Variants in INPP4B observed in about 807,000 individuals in gnomAD.
INPP4B encodes the protein inositol polyphosphate 4-phosphatase type II.
INPP4B carries 55 observed loss-of-function variants against 122.5 expected under a neutral mutation model. The observed-to-expected ratio is 0.45, with a 90% CI of 0.36 to 0.56. The LOEUF (loss-of-function observed/expected upper bound fraction) is 0.56, where lower values mean the gene tolerates loss of function less well. Among genes scored for constraint, INPP4B ranks in the 20% least tolerant of loss-of-function variants. The pLI is 0.00. For synonymous variants in INPP4B, 403 were observed against 388.7 expected (o/e 1.04, Z -0.43); for missense variants, 1,000 against 1,097.7 (o/e 0.91, Z 1.26).
intron 25 of INPP4B, among the ~76,000 whole-genome samples, chr4:142,044,601 C>CTGAT (rs1257905929): frequency 4.6e-5 from 7 of 151,612 alleles, no homozygotes; most frequent in Non-Finnish European, 1.0e-4. Context: ...GTTCAGAGCA[C>CTGAT]TGATAGTGAA....
At chr4:142,731,341 G>A (rs1766057712) in intron 1 of INPP4B, among the ~76,000 whole-genome samples, 1 of 152,118 alleles carries the variant, frequency 6.6e-6, no homozygotes, top group Non-Finnish European at 1.5e-5. Flanking sequence ...ATTTCTCTGT[G>A]TCTGACCTCA....
intron 1 of INPP4B, among the ~76,000 whole-genome samples, chr4:142,772,721 A>T (rs1341614231): frequency 6.6e-6 from 1 of 152,184 alleles, no homozygotes; most frequent in Non-Finnish European, 1.5e-5. Flanking sequence ...TGTATGAAGG[A>T]AAATTCACCC....
chr4:142,574,749 C>T (rs2150173422), intron 2 of INPP4B, among the ~76,000 whole-genome samples: 1 of 152,212 alleles, frequency 6.6e-6, no homozygotes, highest in African/African-American at 2.4e-5. Flanking sequence ...CTAGTGCATG[C>T]TTCTTATACA....
At chr4:142,769,349 C>T (rs544401346) in intron 1 of INPP4B, among the ~76,000 whole-genome samples, 93 of 152,248 alleles carry the variant, frequency 6.1e-4, no homozygotes, top group African/African-American at 2.1e-3. Context: ...CCCCACGATG[C>T]TCTGCAAGGC....
At chr4:142,769,455 A>AT (rs1466058378) in intron 1 of INPP4B, among the ~76,000 whole-genome samples, 2 of 152,140 alleles carry the variant, frequency 1.3e-5, no homozygotes, top group African/African-American at 4.8e-5. Flanking sequence ...ACATGCAACC[A>AT]TTTTTTAACT....
Position 142,042,465 on chromosome 4 carries a change from CTTGT to C in INPP4B, c.2643-13555_2643-13552del, listed in dbSNP as rs552182948. 2.2e-4 allele frequency among the ~76,000 whole-genome samples: 34 copies of C among 152,122 alleles called. 1 individual carries two copies. The South Asian group carries it at 4.2e-3, about 19-fold the overall frequency. On this transcript the variant is annotated intron_variant, in intron 25 of 25. Transcript: ENST00000262992. ...TTCTGTACAATCTCTTGTTTTTAAA[CTTGT>C]TTCTCAAGTTTTTCAACCCCCTTTT...
intron 25 of INPP4B, among the ~76,000 whole-genome samples, chr4:142,051,085 G>A (rs1754333133): frequency 6.6e-6 from 1 of 151,956 alleles, no homozygotes; most frequent in African/African-American, 2.4e-5. Context: ...GTTGAGATAT[G>A]TAAACTAGAG....
chr4:142,409,590 T>C (rs2149232055), intron 5 of INPP4B, among the ~76,000 whole-genome samples: 1 of 152,220 alleles, frequency 6.6e-6, no homozygotes, highest in African/African-American at 2.4e-5. Context: ...AAAGACTCAA[T>C]ATGTCCAGGG....
chr4:142,431,199 C>T lies in INPP4B; in HGVS notation c.61G>A (p.Ala21Thr), dbSNP rs150489920. The change falls in exon 4 of 26, where the codon GCC (alanine) becomes ACC (threonine). Residue 21 changes from alanine to threonine, a missense_variant. Physicochemically the swap from Ala to Thr is moderately conservative, Grantham distance 58. Transcript: ENST00000262992. ...AACTGACAGTCCCCGGGATCATTGG[C>T]CTGGGCTGTAGGAAGAAAGTGCTGC... ...EGQHFLPTAQ[A>T]NDPGDCQFTS... 17 of 1,613,240 alleles carry T rather than the reference C, an allele frequency of 1.1e-5. No homozygotes were observed. Among genetic ancestry groups the T allele is most frequent in the African/African-American group, 2.7e-5 (2 of 74,978 alleles).
At chr4:142,796,599 G>C (rs541259743) in intron 1 of INPP4B, among the ~76,000 whole-genome samples, 1 of 151,990 alleles carries the variant, frequency 6.6e-6, no homozygotes, top group East Asian at 1.9e-4. Flanking sequence ...AAAATATAAA[G>C]GCAGAGCCAC....
chr4:142,032,456 G>A (rs1290177982), intron 25 of INPP4B, among the ~76,000 whole-genome samples: 1 of 152,144 alleles, frequency 6.6e-6, no homozygotes, highest in Non-Finnish European at 1.5e-5. Context: ...AGATGATCTT[G>A]GAAGGAGGGC....
chr4:142,257,632 G>A lies in INPP4B; in HGVS notation c.688+2860C>T, dbSNP rs1579485002. Among the ~76,000 whole-genome samples the A allele has an allele frequency of 3.3e-5, 5 of 152,196 alleles. No homozygotes were observed. In the South Asian group the frequency reaches 1.0e-3, roughly 32 times the overall value. On this transcript the variant is annotated intron_variant, in intron 11 of 25. Transcript: ENST00000262992. ...TGCTTCAAAGAGAATCAAATACCTAGGAATCCAACTTACAAGGGATGTGAA... is the reference window on the plus strand; with the variant it reads ...TGCTTCAAAGAGAATCAAATACCTAAGAATCCAACTTACAAGGGATGTGAA...
intron 12 of INPP4B, among the ~76,000 whole-genome samples, chr4:142,226,155 C>T (rs1851469387): frequency 6.6e-6 from 1 of 152,112 alleles, no homozygotes; most frequent in African/African-American, 2.4e-5. Flanking sequence ...TTGGCAAGAC[C>T]TACATAACTT....
chr4:142,151,426 A>G (rs2152866238), intron 17 of INPP4B, among the ~76,000 whole-genome samples: 1 of 152,240 alleles, frequency 6.6e-6, no homozygotes, highest in Admixed American at 6.5e-5. Flanking sequence ...CTATTTCCTT[A>G]TGTAAAAATA....
chr4:142,158,891 T>C (rs1818608581), intron 17 of INPP4B, among the ~76,000 whole-genome samples: 1 of 151,876 alleles, frequency 6.6e-6, no homozygotes, highest in South Asian at 2.1e-4. Context: ...AAATGGTAAT[T>C]ATTTGTCAAA....
intron 25 of INPP4B, among the ~76,000 whole-genome samples, chr4:142,067,712 A>G (rs920950131): frequency 6.6e-6 from 1 of 152,208 alleles, no homozygotes; most frequent in African/African-American, 2.4e-5. Flanking sequence ...AATTTGATCA[A>G]GTGGAAGAAA....
chr4:142,103,566 A>T (rs1785508643), intron 23 of INPP4B, among the ~76,000 whole-genome samples: 1 of 152,132 alleles, frequency 6.6e-6, no homozygotes, highest in South Asian at 2.1e-4. Flanking sequence ...AAACTAAATT[A>T]TTCAGAAAAG....
intron 2 of INPP4B, among the ~76,000 whole-genome samples, chr4:142,723,729 A>G (rs1432571885): frequency 6.6e-6 from 1 of 152,152 alleles, no homozygotes; most frequent in African/African-American, 2.4e-5. Flanking sequence ...TTGTTTAAAA[A>G]TAACACCTTC....
chr4:142,223,080 G>A (rs772544188), intron 12 of INPP4B, among the ~76,000 whole-genome samples: 2 of 152,096 alleles, frequency 1.3e-5, no homozygotes, highest in African/African-American at 4.8e-5. Flanking sequence ...TTCTACAGCT[G>A]AGGAAACTGA....
Sources: allele counts gnomAD v4.1 joint callset (sites outside exome capture counted in the v4.1 genomes callset), GRCh38; gene constraint gnomAD v4.1.1; transcripts MANE v1.5; gene names NCBI Gene and HGNC (gene_info 2026-07-23, HGNC 2026-07-21).